Variants in ANKRD44 observed in about 807,000 individuals in gnomAD.
ANKRD44 encodes ankyrin repeat domain 44, also known as serine/threonine-protein phosphatase 6 regulatory ankyrin repeat subunit B.
In ANKRD44, 35 loss-of-function variants were observed where a neutral mutation model predicts 116.0. The ratio of observed to expected loss-of-function variants is 0.30; its 90% CI spans 0.23 to 0.40. ANKRD44 has a LOEUF of 0.40. Ranked by LOEUF, ANKRD44 falls within the 10% of genes least tolerant of loss-of-function variation. The pLI is 1.00. For synonymous variants in ANKRD44, 435 were observed against 461.8 expected (o/e 0.94, Z 0.74); for missense variants, 1,014 against 1,242.6 (o/e 0.82, Z 2.77).
At chr2:197,154,927 T>A in intron 2 of ANKRD44, among the ~76,000 whole-genome samples, 1 of 152,308 alleles carries the variant, frequency 6.6e-6, no homozygotes, top group South Asian at 2.1e-4. Context: ...ATATTTCTCA[T>A]ATAGAAAATA....
intron 1 of ANKRD44, among the ~76,000 whole-genome samples, chr2:197,243,287 C>G (rs1193746558): frequency 2.6e-5 from 4 of 151,800 alleles, no homozygotes; most frequent in African/African-American, 9.7e-5. Context: ...TTCCAGCCAA[C>G]AGCAGGAAGA....
At chr2:197,029,885 C>G (rs973620939) in intron 16 of ANKRD44, 5 of 225,356 alleles carry the variant, frequency 2.2e-5, no homozygotes, top group African/African-American at 7.1e-5. Context: ...TTAGACATGA[C>G]CAGCATTGGT....
chr2:196,997,693 C>A (rs2076038664), intron 25 of ANKRD44, among the ~76,000 whole-genome samples: 1 of 152,070 alleles, frequency 6.6e-6, no homozygotes, highest in Non-Finnish European at 1.5e-5. Flanking sequence ...AGGTAATCCA[C>A]CTGCCTCGGC....
At chr2:197,275,428 CA>C (rs527811437) in intron 1 of ANKRD44, among the ~76,000 whole-genome samples, 7,682 of 97,276 alleles carry the variant, frequency 0.079, 174 homozygotes, top group Admixed American at 0.13. Flanking sequence ...CCAGTCTCTT[CA>C]AAAAAAAAAA....
At chr2:197,057,244 G>T (rs2077220322) in intron 16 of ANKRD44, among the ~76,000 whole-genome samples, 1 of 152,150 alleles carries the variant, frequency 6.6e-6, no homozygotes, top group African/African-American at 2.4e-5. Context: ...TGCATTGATT[G>T]AAATGTTTAT....
intron 2 of ANKRD44, among the ~76,000 whole-genome samples, chr2:197,154,617 T>C (rs1002972354): frequency 1.3e-5 from 2 of 152,212 alleles, no homozygotes; most frequent in Non-Finnish European, 2.9e-5. Context: ...TGTGGAGTTT[T>C]TTATATTGTT....
chr2:197,053,200 T>C (rs1419159640), intron 16 of ANKRD44, among the ~76,000 whole-genome samples: 1 of 151,852 alleles, frequency 6.6e-6, no homozygotes, highest in African/African-American at 2.4e-5. Context: ...GAACTTGAGA[T>C]AGTTAAAAGT....
chr2:197,146,439 A>T (rs957538701), intron 3 of ANKRD44, among the ~76,000 whole-genome samples: 1 of 152,184 alleles, frequency 6.6e-6, no homozygotes, highest in African/African-American at 2.4e-5. Context: ...ATAAATATAC[A>T]AACACATTTA....
At chr2:197,231,111 C>CGGT (rs2081850818) in intron 1 of ANKRD44, among the ~76,000 whole-genome samples, 1 of 152,092 alleles carries the variant, frequency 6.6e-6, no homozygotes. Flanking sequence ...CTGGCAGATG[C>CGGT]GGTGCTTCTT....
intron 1 of ANKRD44, among the ~76,000 whole-genome samples, chr2:197,254,524 T>C (rs761049995): frequency 6.6e-6 from 1 of 152,124 alleles, no homozygotes; most frequent in Non-Finnish European, 1.5e-5. Flanking sequence ...TTCTCCCTTA[T>C]GGTTATCTTT....
At chr2:197,294,196 T>C (rs931738995) in intron 1 of ANKRD44, among the ~76,000 whole-genome samples, 1 of 152,222 alleles carries the variant, frequency 6.6e-6, no homozygotes, top group Non-Finnish European at 1.5e-5. Context: ...TCACTGTCCA[T>C]GTTTTCTAAA....
intron 2 of ANKRD44, among the ~76,000 whole-genome samples, chr2:197,184,707 C>T (rs2080610825): frequency 6.6e-6 from 1 of 151,086 alleles, no homozygotes; most frequent in African/African-American, 2.4e-5. Context: ...TTTGGGGTGG[C>T]AGGACTGCAC....
chr2:197,125,715 G>A, intron 5 of ANKRD44, 122 bp downstream of exon 5: 1 of 1,159,298 alleles, frequency 8.6e-7, no homozygotes, highest in South Asian at 1.4e-5. Flanking sequence ...TATAGATGCT[G>A]AAGGTTTGGT....
chr2:197,216,043 C>T (rs2081435127), intron 1 of ANKRD44, among the ~76,000 whole-genome samples: 1 of 152,194 alleles, frequency 6.6e-6, no homozygotes. Flanking sequence ...GGTTCAAGGA[C>T]TTGCTCTGCC....
chr2:197,036,955 T>C (rs999509474), intron 16 of ANKRD44, among the ~76,000 whole-genome samples: 5 of 152,206 alleles, frequency 3.3e-5, no homozygotes, highest in African/African-American at 9.7e-5. Context: ...GAGCTAATAA[T>C]TGAATATTAT....
intron 9 of ANKRD44, among the ~76,000 whole-genome samples, chr2:197,109,458 A>G (rs1300223982): frequency 6.6e-6 from 1 of 152,198 alleles, no homozygotes; most frequent in African/African-American, 2.4e-5. Flanking sequence ...CTATAGCTTC[A>G]CTGGAATGCA....
chr2:197,078,143 A>G (rs1238075768), intron 16 of ANKRD44: 1 of 157,580 alleles, frequency 6.3e-6, no homozygotes, highest in Non-Finnish European at 1.4e-5. Flanking sequence ...AACAAACTGT[A>G]TAATAAAAGT....
intron 20 of ANKRD44, 110 bp downstream of exon 20, chr2:197,007,696 A>T (rs1574262773): frequency 1.3e-6 from 1 of 753,700 alleles, no homozygotes; most frequent in East Asian, 2.5e-5. Context: ...TTTGCTAAAC[A>T]TTTTTTGCTA....
At chr2:197,117,361 T>A (rs1446371239) in intron 8 of ANKRD44, among the ~76,000 whole-genome samples, 1 of 152,180 alleles carries the variant, frequency 6.6e-6, no homozygotes, top group Admixed American at 6.6e-5. Flanking sequence ...TGCCTCAGCC[T>A]CCTGTGTCGC....
Sources: allele counts gnomAD v4.1 joint callset (sites outside exome capture counted in the v4.1 genomes callset), GRCh38; gene constraint gnomAD v4.1.1; transcripts MANE v1.5; gene names NCBI Gene and HGNC (gene_info 2026-07-23, HGNC 2026-07-21).